The following COX14 variants were observed in gnomAD, a reference collection of about 807,000 sequenced individuals.
The protein encoded by COX14 is cytochrome c oxidase assembly protein COX14.
A neutral mutation model predicts 5.8 loss-of-function variants in COX14; 3 were observed. That is an observed-to-expected ratio of 0.51 (90% CI 0.23 to 1.33). COX14 has a LOEUF of 1.33. COX14 is among the 40% of genes most tolerant of loss of function. The probability of loss-of-function intolerance (pLI) is 0.18; values close to 1 mark genes in which losing one functional copy is unlikely to be tolerated. For synonymous variants in COX14, 25 were observed against 26.1 expected (o/e 0.96, Z 0.13); for missense variants, 72 against 72.1 (o/e 1.00, Z 0.01).
At chr12:50,117,195 T>G (rs1022922564) in intron 1 of COX14, among the ~76,000 whole-genome samples, 4 of 152,084 alleles carry the variant, frequency 2.6e-5, no homozygotes, top group Admixed American at 6.6e-5. Flanking sequence ...AAAATTTTTT[T>G]TGTGGGGACA....
chr12:50,119,997 G>A, intron 1 of COX14, 39 bp from the exon 2 acceptor site: 1 of 1,534,850 alleles, frequency 6.5e-7, no homozygotes, highest in Non-Finnish European at 9.0e-7. Flanking sequence ...GGGCAGATGA[G>A]GCCTTATCCT....
intron 1 of COX14, among the ~76,000 whole-genome samples, chr12:50,115,996 C>T (rs1339908471): frequency 5.3e-5 from 8 of 152,118 alleles, no homozygotes; most frequent in South Asian, 4.1e-4. Context: ...TGCCCTAATT[C>T]GCTCCATTGA....
At chr12:50,116,444 A>G (rs1283469540) in intron 1 of COX14, among the ~76,000 whole-genome samples, 1 of 152,222 alleles carries the variant, frequency 6.6e-6, no homozygotes, top group African/African-American at 2.4e-5. Context: ...ATGGATTAAG[A>G]CAAGAGAGGG....
intron 1 of COX14, among the ~76,000 whole-genome samples, chr12:50,114,995 G>T (rs189189617): frequency 5.4e-5 from 8 of 149,450 alleles, no homozygotes; most frequent in Admixed American, 5.3e-4. Context: ...CTCAATCTCT[G>T]GACCTTGTGA....
rs1168586938 is a variant in COX14 at position 50,113,440 on chromosome 12, A to G, written c.-9+1139A>G. 2.7e-5 allele frequency among the ~76,000 whole-genome samples: 4 copies of G among 147,238 alleles called. No homozygotes were observed. The East Asian group carries it at 8.1e-4, about 30-fold the overall frequency. On this transcript the variant is annotated intron_variant, in intron 1 of 1. Transcript: ENST00000550487. ...TGCCTCAGCCTCCAGAGTAGCTGGG[A>G]CTACAGGTGCCCGCCACCACGCCCG...
chr12:50,112,450 G>A (rs1951033893), intron 1 of COX14, 149 bp downstream of exon 1: 9 of 985,894 alleles, frequency 9.1e-6, no homozygotes, highest in Non-Finnish European at 9.6e-6. Flanking sequence ...GTTGCGGACC[G>A]CGAGCTGCAC....
At chr12:50,112,438 G>C (rs1269643705) in intron 1 of COX14, 137 bp downstream of exon 1, 8 of 985,956 alleles carry the variant, frequency 8.1e-6, no homozygotes, top group Non-Finnish European at 9.6e-6. Flanking sequence ...CGCTTCTGTT[G>C]CGTTGCGGAC....
At chr12:50,114,282 A>G (rs555691830) in intron 1 of COX14, among the ~76,000 whole-genome samples, 1 of 142,502 alleles carries the variant, frequency 7.0e-6, no homozygotes, top group Admixed American at 7.4e-5. Context: ...GTGGAGTTTC[A>G]CTCGTTGCCC....
chr12:50,120,244 G>C lies in COX14; in HGVS notation c.*27G>C, dbSNP rs367781388. On this transcript the variant is annotated 3_prime_UTR_variant, in exon 2 of 2. Coordinates refer to ENST00000550487, the MANE Select transcript of COX14 (RefSeq NM_032901.4). ...ACTGGGGGGCTTTTTCTCCTGAGCA[G>C]AGAGGCCCAAGGCATGCTGTGGAGA... 1.2e-6 allele frequency: 2 copies of C among 1,601,796 alleles called. No homozygotes were observed. The highest frequency in any genetic ancestry group is 1.7e-6 in the Non-Finnish European group (2 of 1,171,928).
intron 1 of COX14, among the ~76,000 whole-genome samples, chr12:50,117,114 A>G (rs867510537): frequency 3.9e-5 from 6 of 152,068 alleles, no homozygotes; most frequent in Non-Finnish European, 7.4e-5. Flanking sequence ...GGCTCAAGCA[A>G]TCCTCCCACC....
In COX14 at chr12:50,112,272, G is replaced by A. The variant is rs1418544151; in HGVS notation, c.-38G>A. The A allele has an allele frequency of 2.0e-6, 2 of 985,034 alleles. No individual in the cohort carries two copies. The highest frequency in any genetic ancestry group is 1.7e-5 in the African/African-American group (1 of 57,238). The allele number at this position is 985,034 out of a possible 1,614,324, so 61.0% of individuals were successfully genotyped here. A position where few individuals can be genotyped will look rare whatever the true frequency, so the allele number is the denominator to read the frequency against. ...GACCCTGCCTGCCTGAGGAGGCCTC[G>A]GTTGGATGCGAAGGAGCTGCAGCAT... On this transcript the variant is annotated 5_prime_UTR_variant, in exon 1 of 2. Transcript: ENST00000550487.
intron 1 of COX14, among the ~76,000 whole-genome samples, chr12:50,114,432 A>G (rs1261102202): frequency 1.3e-5 from 2 of 151,834 alleles, no homozygotes; most frequent in African/African-American, 2.4e-5. Flanking sequence ...TTGTACTTTT[A>G]GTAGAGGTGG....
chr12:50,118,107 C>T (rs530039226), intron 1 of COX14, among the ~76,000 whole-genome samples: 6 of 149,794 alleles, frequency 4.0e-5, no homozygotes, highest in Middle Eastern at 3.5e-3. Flanking sequence ...AATGCACTGG[C>T]GCAATCTCAC....
Position 50,112,255 on chromosome 12 carries a change from C to G in COX14, c.-55C>G. The G allele has an allele frequency of 1.0e-6, 1 of 977,422 alleles. No individual in the cohort carries two copies. The highest frequency in any genetic ancestry group is 1.7e-5 in the African/African-American group (1 of 57,186). The allele number at this position is 977,422 out of a possible 1,614,324, so 60.5% of individuals were successfully genotyped here. On this transcript the variant is annotated 5_prime_UTR_variant, in exon 1 of 2. Transcript: ENST00000550487. ...GTAGACAGTGGCCTCGAGACCCTGC[C>G]TGCCTGAGGAGGCCTCGGTTGGATG...
In COX14 at chr12:50,120,427, T is replaced by C. The variant is rs1951120552; in HGVS notation, c.*210T>C. The C allele has an allele frequency of 1.9e-6, 1 of 526,662 alleles. No homozygotes were observed. Among genetic ancestry groups the C allele is most frequent in the Non-Finnish European group, 3.5e-6 (1 of 287,586 alleles). 32.6% of individuals were successfully genotyped at this position (526,662 alleles called of 1,614,324 possible). On this transcript the variant is annotated 3_prime_UTR_variant, in exon 2 of 2. Coordinates refer to ENST00000550487, the MANE Select transcript of COX14 (RefSeq NM_032901.4). ...TAGCAATGTGAGGGTGAGGTACACC[T>C]ACAGACATTAAATAATTTGCTGTGT...
chr12:50,118,049 CT>C (rs71676031), intron 1 of COX14, among the ~76,000 whole-genome samples: 101,768 of 143,838 alleles, frequency 0.71, 36,816 homozygotes, highest in East Asian at 0.91. Context: ...GGCACCCCCC[CT>C]TTTTTTTTTT....
At chr12:50,113,404 T>C (rs1951048879) in intron 1 of COX14, among the ~76,000 whole-genome samples, 3 of 141,734 alleles carry the variant, frequency 2.1e-5, no homozygotes, top group Non-Finnish European at 3.1e-5. Context: ...TCCGGGTTCA[T>C]GCCATTCTCC....
At chr12:50,118,992 A>T (rs1028251229) in intron 1 of COX14, among the ~76,000 whole-genome samples, 2 of 152,184 alleles carry the variant, frequency 1.3e-5, no homozygotes, top group African/African-American at 2.4e-5. Context: ...AGCTTGGAAT[A>T]TCCAGGGAAC....
intron 1 of COX14, among the ~76,000 whole-genome samples, chr12:50,115,956 C>T (rs1951077264): frequency 6.6e-6 from 1 of 152,162 alleles, no homozygotes; most frequent in Non-Finnish European, 1.5e-5. Flanking sequence ...ACAAAGTTTC[C>T]TAACTTGGAG....
Sources: allele counts gnomAD v4.1 joint callset (sites outside exome capture counted in the v4.1 genomes callset), GRCh38; gene constraint gnomAD v4.1.1; transcripts MANE v1.5; gene names NCBI Gene and HGNC (gene_info 2026-07-23, HGNC 2026-07-21).